Variants in MED13 observed in about 807,000 individuals in gnomAD.
MED13 encodes the protein mediator complex subunit 13.
MED13 carries 23 observed loss-of-function variants against 225.2 expected under a neutral mutation model. The ratio of observed to expected loss-of-function variants is 0.10; its 90% CI spans 0.07 to 0.14. The LOEUF (loss-of-function observed/expected upper bound fraction) is 0.14, where lower values mean the gene tolerates loss of function less well. Ranked by LOEUF, MED13 falls within the 10% of genes least tolerant of loss-of-function variation. MED13 has a pLI of 1.00. For missense variants in MED13, 2,197 were observed against 2,594.5 expected (o/e 0.85, Z 3.33); for synonymous variants, 942 against 889.2 (o/e 1.06, Z -1.06).
At position 61,968,181 on chromosome 17, in the gene MED13, G is replaced by A; in HGVS notation, c.4045C>T (p.Pro1349Ser). 1 of 1,614,108 alleles carries A rather than the reference G, an allele frequency of 6.2e-7. No homozygotes were observed. Among genetic ancestry groups the A allele is most frequent in the Non-Finnish European group, 8.5e-7 (1 of 1,179,982 alleles). ...GYDYDYLVLS[P>S]FALPYWERLM... Reference sequence around the variant, plus strand: ...CTCTCCCAATAAGGAAGAGCAAATGGAGAAAGCACCAGATAATCATAATCA... The same window carrying A: ...CTCTCCCAATAAGGAAGAGCAAATGAAGAAAGCACCAGATAATCATAATCA... The change falls in exon 18 of 30, where the codon CCA (proline) becomes TCA (serine). Residue 1349 changes from proline (P) to serine (S), a missense_variant. Physicochemically the swap from Pro to Ser is moderately conservative, Grantham distance 74. This residue lies in a region of MED13 where 47 missense variants were observed against 93.8 expected (regional missense o/e 0.50). Transcript: ENST00000397786.
chr17:62,008,287 C>T (rs1403559544), intron 9 of MED13, among the ~76,000 whole-genome samples: 1 of 131,350 alleles, frequency 7.6e-6, no homozygotes, highest in African/African-American at 3.0e-5. Context: ...AACTGTACTC[C>T]AGCCTGGGCC....
chr17:61,951,351 C>T (rs1183455289), intron 27 of MED13, among the ~76,000 whole-genome samples: 1 of 152,146 alleles, frequency 6.6e-6, no homozygotes, highest in Admixed American at 6.5e-5. Context: ...CTGAAAACCA[C>T]ACCCCAATCA....
At chr17:62,040,249 T>C (rs911067676) in intron 3 of MED13, among the ~76,000 whole-genome samples, 2 of 152,208 alleles carry the variant, frequency 1.3e-5, no homozygotes, top group Non-Finnish European at 2.9e-5. Context: ...AACAAAAACA[T>C]GTCACCACAA....
chr17:62,045,184 T>C (rs1024775561), intron 3 of MED13, among the ~76,000 whole-genome samples: 4 of 152,196 alleles, frequency 2.6e-5, no homozygotes, highest in Non-Finnish European at 5.9e-5. Context: ...TATGTCACTA[T>C]ATACGTAAGA....
chr17:62,034,071 G>A (rs1464889969), intron 4 of MED13, 87 bp from the exon 5 acceptor site: 11 of 1,166,914 alleles, frequency 9.4e-6, no homozygotes, highest in Non-Finnish European at 1.3e-5. Context: ...AAATAATCGT[G>A]CAATTATAAA....
At chr17:62,064,989 G>C (rs528937909) in intron 1 of MED13, 151 bp downstream of exon 1, 3 of 563,866 alleles carry the variant, frequency 5.3e-6, no homozygotes, top group Admixed American at 8.9e-5. Flanking sequence ...CCGCCTCCCG[G>C]GGCTGGCCGC....
At position 61,952,973 on chromosome 17, in the gene MED13, C is replaced by T. The variant is rs759641732; in HGVS notation, c.6109G>A (p.Ala2037Thr). 3.1e-6 allele frequency: 5 copies of T among 1,612,834 alleles called. No individual in the cohort carries two copies. Among genetic ancestry groups the T allele is most frequent in the Middle Eastern group, 1.7e-4 (1 of 6,052 alleles). The change falls in exon 27 of 30, where the codon GCG (alanine) becomes ACG (threonine). Residue 2037 changes from alanine (A) to threonine (T), a missense_variant. Ala to Thr is a moderately conservative substitution (Grantham distance 58). Coordinates refer to ENST00000397786, the MANE Select transcript of MED13 (RefSeq NM_005121.3). ...PGSHYPHGGD[A>T]GKGQSTDRLL... ...ACTTGTAACACAGTTACCTTGCCCG[C>T]ATCACCTCCATGGGGGTAATGAGAT...
chr17:62,039,586 GAT>G (rs1491580899), intron 3 of MED13, among the ~76,000 whole-genome samples: 11 of 129,930 alleles, frequency 8.5e-5, no homozygotes, highest in Non-Finnish European at 1.6e-4. Context: ...ACCCAGCCAA[GAT>G]TTTTTTTTTT....
In MED13 at chr17:61,966,467, T is replaced by C. The variant is rs1262013704; in HGVS notation, c.4376A>G (p.Asp1459Gly). 2 of 1,610,158 alleles carry C rather than the reference T, an allele frequency of 1.2e-6. No individual in the cohort carries two copies. The highest frequency in any genetic ancestry group is 1.3e-5 in the African/African-American group (1 of 74,918). Residue 1459 changes from aspartate to glycine, a missense_variant, in exon 19 of 30, where the codon GAC becomes GGC. Physicochemically the swap from Asp to Gly is moderately conservative, Grantham distance 94. This residue lies in a region of MED13 where 457 missense variants were observed against 442.2 expected (regional missense o/e 1.03). Coordinates refer to ENST00000397786, the MANE Select transcript of MED13 (RefSeq NM_005121.3). ...LKLYAQVCRY[D>G]LGPYLASLPL... ...AATAAATACAAATTCAATACCTAGG[T>C]CATATCTGCAGACTTGTGCATAAAG...
At chr17:61,984,464 C>G in intron 14 of MED13, 97 bp from the exon 15 acceptor site, 1 of 1,025,786 alleles carries the variant, frequency 9.7e-7, no homozygotes, top group Non-Finnish European at 1.4e-6. Context: ...TTTCTTTAAA[C>G]AGAATAAAAT....
intron 17 of MED13, among the ~76,000 whole-genome samples, chr17:61,968,974 A>G (rs1049411060): frequency 6.6e-6 from 1 of 150,996 alleles, no homozygotes; most frequent in African/African-American, 2.4e-5. Context: ...GTGGACTCAA[A>G]CTCCTGAGCT....
At chr17:62,056,478 T>C (rs961299610) in intron 2 of MED13, among the ~76,000 whole-genome samples, 4 of 152,174 alleles carry the variant, frequency 2.6e-5, no homozygotes, top group African/African-American at 7.2e-5. Flanking sequence ...ATTTTCCTCC[T>C]CTAGCCAGGT....
At chr17:62,060,717 T>C (rs957111513) in intron 2 of MED13, among the ~76,000 whole-genome samples, 1 of 151,646 alleles carries the variant, frequency 6.6e-6, no homozygotes, top group Non-Finnish European at 1.5e-5. Context: ...TTTTTTTTTT[T>C]GAGACAGAGT....
chr17:61,985,090 G>T lies in MED13; in HGVS notation c.2386C>A (p.Pro796Thr). The change falls in exon 13 of 30, where the codon CCT becomes ACT. Residue 796 changes from proline to threonine, a missense_variant and splice_region_variant. Pro to Thr is a conservative substitution (Grantham distance 38). Coordinates refer to ENST00000397786, the MANE Select transcript of MED13 (RefSeq NM_005121.3). ...CCATTTGCTGATTTTTTAGATCCAG[G>T]CTATTTAAAAAAAGCACATATTTAT... Reference protein sequence around the residue: ...LFNSDEDELTPGSKKSANGSD... With the variant: ...LFNSDEDELTTGSKKSANGSD... The T allele has an allele frequency of 6.2e-7, 1 of 1,609,530 alleles. No individual in the cohort carries two copies. Among genetic ancestry groups the T allele is most frequent in the Non-Finnish European group, 8.5e-7 (1 of 1,178,474 alleles).
intron 28 of MED13, among the ~76,000 whole-genome samples, chr17:61,948,745 T>C (rs1032916336): frequency 6.6e-6 from 1 of 151,272 alleles, no homozygotes. Flanking sequence ...TAAATTAGCA[T>C]GACTTGTGGA....
At chr17:62,018,479 T>C (rs1603403315) in intron 8 of MED13, among the ~76,000 whole-genome samples, 1 of 151,966 alleles carries the variant, frequency 6.6e-6, no homozygotes, top group South Asian at 2.1e-4. Flanking sequence ...CTGAGGTGGG[T>C]GGATTACTTG....
chr17:61,955,705 C>T lies in MED13; in HGVS notation c.5757G>A (p.Pro1919=), dbSNP rs200223529. 4.7e-5 allele frequency: 76 copies of T among 1,606,190 alleles called. No individual in the cohort carries two copies. Among genetic ancestry groups the T allele is most frequent in the Admixed American group, 6.9e-5 (4 of 57,710 alleles). Residue 1919 remains proline (P), a synonymous_variant, in exon 25 of 30, where the codon CCG becomes CCA. Coordinates refer to ENST00000397786, the MANE Select transcript of MED13 (RefSeq NM_005121.3). ...CTGGCATAATAACAAAAGAGCCTTG[C>T]GGCTCCATTGCCACCAAGCAAGCAC... ...ILSACLVAME[P]QGSFVIMPDS... is the part of the protein sequence containing the mutation.
intron 10 of MED13, among the ~76,000 whole-genome samples, chr17:61,994,634 A>T (rs1315735734): frequency 6.6e-6 from 1 of 152,258 alleles, no homozygotes; most frequent in East Asian, 1.9e-4. Flanking sequence ...ACTTTTAAAC[A>T]ACAAAATATT....
chr17:62,034,762 C>T (rs2080788269), intron 4 of MED13, among the ~76,000 whole-genome samples: 1 of 152,150 alleles, frequency 6.6e-6, no homozygotes, highest in African/African-American at 2.4e-5. Flanking sequence ...AATATTTCTT[C>T]TAGAATTCAA....
Sources: gnomAD v4.1 joint callset for allele counts (sites outside exome capture counted in the v4.1 genomes callset) on GRCh38, gnomAD v4.1.1 for gene constraint, gnomAD v4.1.1 regional missense constraint, MANE v1.5 for transcripts, NCBI Gene and HGNC (gene_info 2026-07-23, HGNC 2026-07-21) for gene names.